IFT74: variants seen among roughly 807,000 people sequenced by gnomAD.
IFT74 encodes the protein intraflagellar transport protein 74 homolog.
Under a neutral mutation model 96.7 loss-of-function variants are expected in IFT74, and 92 were observed. The ratio of observed to expected loss-of-function variants is 0.95; its 90% CI spans 0.80 to 1.13. IFT74 has a LOEUF of 1.13. Among genes scored for constraint, IFT74 ranks in the 50% most tolerant of loss-of-function variants. The pLI, the probability that IFT74 is intolerant of heterozygous loss-of-function variation, is 0.00. For synonymous variants in IFT74, 223 were observed against 213.2 expected (o/e 1.05, Z -0.40); for missense variants, 811 against 698.2 (o/e 1.16, Z -1.82).
At chr9:27,049,109 T>C (rs780441334) in intron 16 of IFT74, among the ~76,000 whole-genome samples, 7 of 152,158 alleles carry the variant, frequency 4.6e-5, no homozygotes, top group Non-Finnish European at 1.0e-4. Flanking sequence ...AGGCTCCCCT[T>C]TGCCTTCTGT....
intron 16 of IFT74, among the ~76,000 whole-genome samples, chr9:27,052,866 T>C (rs1302861438): frequency 6.6e-6 from 1 of 152,070 alleles, no homozygotes; most frequent in African/African-American, 2.4e-5. Context: ...ATGTTGTTGT[T>C]GTTGTTGTTG....
chr9:26,971,757 T>C (rs1037955705), intron 2 of IFT74, among the ~76,000 whole-genome samples: 6 of 152,168 alleles, frequency 3.9e-5, no homozygotes, highest in African/African-American at 1.2e-4. Context: ...AATTAGTTCT[T>C]TTTGGACCAA....
At chr9:27,062,381 C>T (rs576081132) in intron 19 of IFT74, among the ~76,000 whole-genome samples, 1 of 152,248 alleles carries the variant, frequency 6.6e-6, no homozygotes, top group African/African-American at 2.4e-5. Context: ...AAATGCATAA[C>T]ATATTAAGTA....
In IFT74 at chr9:26,990,142, T is replaced by C. The variant is rs758931013; in HGVS notation, c.534T>C (p.Ala178=). 3.9e-5 allele frequency: 58 copies of C among 1,502,076 alleles called. No homozygotes were observed. Among genetic ancestry groups the C allele is most frequent in the Non-Finnish European group, 4.9e-5 (55 of 1,127,416 alleles). 93.0% of individuals were successfully genotyped at this position (1,502,076 alleles called of 1,614,324 possible). A position where few individuals can be genotyped will look rare whatever the true frequency, so the allele number is the denominator to read the frequency against. ...GTGTTAACTTTATTCAGCTTAAAGC[T>C]CAAAATGATCGAGAAACACAAAGTT... ...EVMNDYNMLK[A]QNDRETQSLD... The change falls in exon 8 of 20, where the codon GCT becomes GCC. Residue 178 remains alanine, a synonymous_variant. Transcript: ENST00000380062.
intron 10 of IFT74, among the ~76,000 whole-genome samples, chr9:27,012,545 CAA>C (rs1829135607): frequency 6.6e-6 from 1 of 151,992 alleles, no homozygotes; most frequent in Non-Finnish European, 1.5e-5. Context: ...GACACATACA[CAA>C]GAGATTATAA....
rs573018386 is a variant in IFT74, at chr9:26,995,921, T to A, written c.587+5726T>A. 101 of 1,018,408 alleles carry A rather than the reference T, an allele frequency of 9.9e-5. 1 individual carries two copies. The East Asian group carries it at 2.5e-3, about 26-fold the overall frequency. 63.1% of individuals were successfully genotyped at this position (1,018,408 alleles called of 1,614,324 possible). A position where few individuals can be genotyped will look rare whatever the true frequency, so the allele number is the denominator to read the frequency against. On this transcript the variant is annotated intron_variant, in intron 8 of 19. Transcript: ENST00000380062. The stretch of plus-strand genomic sequence containing the variant: ...TTGGCAAAATAATCATAATTATATA[T>A]CCTAATTCTCCTCAATATTGGTATT...
At chr9:26,995,734 C>G (rs756981383) in intron 8 of IFT74, 1 of 1,613,792 alleles carries the variant, frequency 6.2e-7, no homozygotes, top group Non-Finnish European at 8.5e-7. Context: ...TATAACTAAG[C>G]AGAATATTGT....
chr9:26,963,499 G>T (rs2131484961), intron 2 of IFT74, among the ~76,000 whole-genome samples: 1 of 150,658 alleles, frequency 6.6e-6, no homozygotes, highest in South Asian at 2.1e-4. Context: ...GGGTCAAATG[G>T]TATTTCCAGT....
At position 26,968,102 on chromosome 9, in the gene IFT74, C is replaced by T. The variant is rs1275935873; in HGVS notation, c.120+6015C>T. 5.0e-5 allele frequency among the ~76,000 whole-genome samples: 7 copies of T among 140,266 alleles called. No individual in the cohort carries two copies. In the East Asian group the frequency reaches 1.1e-3, roughly 21 times the overall value. 92.0% of individuals were successfully genotyped at this position (140,266 alleles called of 152,430 possible). Reference sequence around the variant, plus strand: ...TTTTTTTAATCAGGATAATACTGGTCTTGTAGAATGAGTTTGAAAGCATTT... The same window carrying T: ...TTTTTTTAATCAGGATAATACTGGTTTTGTAGAATGAGTTTGAAAGCATTT... On this transcript the variant is annotated intron_variant, in intron 2 of 19. Transcript: ENST00000380062.
chr9:27,042,798 C>A (rs1819535613), intron 13 of IFT74, among the ~76,000 whole-genome samples: 1 of 152,126 alleles, frequency 6.6e-6, no homozygotes, highest in African/African-American at 2.4e-5. Flanking sequence ...ATGGCAGGTT[C>A]AGGAGATAGT....
intron 8 of IFT74, among the ~76,000 whole-genome samples, chr9:27,000,662 C>A (rs1190690128): frequency 6.6e-6 from 1 of 152,098 alleles, no homozygotes; most frequent in Admixed American, 6.6e-5. Flanking sequence ...TCTCTTCTAG[C>A]TGTTTTTAAA....
chr9:26,984,385 G>T (rs1827538816), intron 5 of IFT74, 30 bp downstream of exon 5: 1 of 1,578,340 alleles, frequency 6.3e-7, no homozygotes, highest in Non-Finnish European at 8.6e-7. Flanking sequence ...TATTCATTCA[G>T]TATTTTGTGC....
intron 8 of IFT74, among the ~76,000 whole-genome samples, chr9:27,008,082 G>A (rs977372644): frequency 1.3e-5 from 2 of 152,250 alleles, no homozygotes; most frequent in Non-Finnish European, 2.9e-5. Flanking sequence ...TGTGTTTTTA[G>A]AGAAATGAGC....
intron 18 of IFT74, among the ~76,000 whole-genome samples, chr9:27,058,295 C>T (rs1299942105): frequency 2.0e-5 from 3 of 152,108 alleles, no homozygotes; most frequent in Non-Finnish European, 4.4e-5. Context: ...TGCTGTATTG[C>T]CCTGGCTAGT....
intron 13 of IFT74, among the ~76,000 whole-genome samples, chr9:27,042,591 A>G (rs1427068669): frequency 1.3e-5 from 2 of 152,182 alleles, no homozygotes; most frequent in Non-Finnish European, 1.5e-5. Context: ...GGGGTTTAAA[A>G]GCAAGATGAG....
chr9:26,987,329 A>T (rs1192649510), intron 6 of IFT74, among the ~76,000 whole-genome samples: 1 of 152,088 alleles, frequency 6.6e-6, no homozygotes, highest in East Asian at 1.9e-4. Context: ...TGACCTCGTG[A>T]TCCACCCGCC....
chr9:26,989,685 G>C (rs1328277368), intron 7 of IFT74, among the ~76,000 whole-genome samples: 1 of 152,050 alleles, frequency 6.6e-6, no homozygotes, highest in African/African-American at 2.4e-5. Context: ...TGTTTTGTCA[G>C]TTGTTTGGGA....
At chr9:26,978,593 T>C (rs779288678) in intron 3 of IFT74, among the ~76,000 whole-genome samples, 1 of 152,200 alleles carries the variant, frequency 6.6e-6, no homozygotes, top group African/African-American at 2.4e-5. Context: ...GGAGCTGTAG[T>C]ACAACTTGAA....
intron 10 of IFT74, among the ~76,000 whole-genome samples, chr9:27,013,083 TG>T (rs1034435440): frequency 1.1e-4 from 17 of 152,338 alleles, no homozygotes; most frequent in African/African-American, 3.4e-4. Context: ...AAGTGCTTAC[TG>T]TATGCTTTTT....
Sources: allele counts gnomAD v4.1 joint callset (sites outside exome capture counted in the v4.1 genomes callset), GRCh38; gene constraint gnomAD v4.1.1; transcripts MANE v1.5; gene names NCBI Gene and HGNC (gene_info 2026-07-23, HGNC 2026-07-21).